The following AFAP1 variants were observed in gnomAD, a reference collection of about 807,000 sequenced individuals.
AFAP1 encodes the protein actin filament-associated protein 1.
A neutral mutation model predicts 93.9 loss-of-function variants in AFAP1; 75 were observed. The ratio of observed to expected loss-of-function variants is 0.80; its 90% CI spans 0.66 to 0.97. The LOEUF is 0.97. Among genes scored for constraint, AFAP1 ranks in the 50% least tolerant of loss-of-function variants. AFAP1 has a pLI of 0.00. For missense variants in AFAP1, 1,201 were observed against 1,050.8 expected (o/e 1.14, Z -1.98); for synonymous variants, 517 against 430.7 (o/e 1.20, Z -2.48).
intron 1 of AFAP1, among the ~76,000 whole-genome samples, chr4:7,897,155 T>G (rs6824266): frequency 0.13 from 19,201 of 152,102 alleles, 1,408 homozygotes; most frequent in Non-Finnish European, 0.17. Flanking sequence ...CTTCTTTGGG[T>G]AGGCTGAGCT....
intron 1 of AFAP1, among the ~76,000 whole-genome samples, chr4:7,923,301 G>C (rs943486115): frequency 8.5e-5 from 13 of 152,158 alleles, no homozygotes; most frequent in Admixed American, 4.6e-4. Flanking sequence ...TAATACCATA[G>C]GCAAATACCA....
chr4:7,916,843 T>G (rs1205485363), intron 1 of AFAP1, among the ~76,000 whole-genome samples: 1 of 152,184 alleles, frequency 6.6e-6, no homozygotes, highest in Non-Finnish European at 1.5e-5. Context: ...CTCCTTGCAC[T>G]AGGGGCCCAG....
intron 1 of AFAP1, among the ~76,000 whole-genome samples, chr4:7,874,621 G>C (rs974988249): frequency 7.0e-5 from 9 of 129,226 alleles, no homozygotes; most frequent in African/African-American, 2.7e-4. Flanking sequence ...CTGACCTCAT[G>C]ATCTGCCCAC....
At chr4:7,828,239 A>G (rs976051456) in intron 6 of AFAP1, among the ~76,000 whole-genome samples, 5 of 152,168 alleles carry the variant, frequency 3.3e-5, no homozygotes, top group Non-Finnish European at 5.9e-5. Flanking sequence ...AGAAATCCCT[A>G]TAGCGTCGCC....
At chr4:7,884,236 T>G (rs1353288821) in intron 1 of AFAP1, among the ~76,000 whole-genome samples, 2 of 152,228 alleles carry the variant, frequency 1.3e-5, no homozygotes, top group Non-Finnish European at 2.9e-5. Context: ...ACCATGCTTG[T>G]AAAGCCTGCA....
At chr4:7,862,580 A>C (rs1715858774) in intron 3 of AFAP1, among the ~76,000 whole-genome samples, 1 of 152,200 alleles carries the variant, frequency 6.6e-6, no homozygotes, top group African/African-American at 2.4e-5. Context: ...AAAAATGGTT[A>C]AAATGGTAAA....
intron 3 of AFAP1, among the ~76,000 whole-genome samples, chr4:7,861,209 C>T (rs978763804): frequency 6.6e-6 from 1 of 152,260 alleles, no homozygotes; most frequent in Non-Finnish European, 1.5e-5. Context: ...ATAAGAAAAT[C>T]AGGGCTCCAG....
At chr4:7,863,314 G>A (rs1577311709) in intron 3 of AFAP1, among the ~76,000 whole-genome samples, 1 of 152,168 alleles carries the variant, frequency 6.6e-6, no homozygotes, top group East Asian at 1.9e-4. Context: ...AGCTACTTGG[G>A]AGGGTGAGGT....
Position 7,787,990 on chromosome 4 carries a change from C to A in AFAP1, c.1413-1679G>T, listed in dbSNP as rs577804515. 2.0e-5 allele frequency among the ~76,000 whole-genome samples: 3 copies of A among 152,314 alleles called. No homozygotes were observed. In the South Asian group the frequency reaches 6.2e-4, roughly 32 times the overall value. On this transcript the variant is annotated intron_variant, in intron 11 of 17. Coordinates refer to ENST00000420658, the MANE Select transcript of AFAP1 (RefSeq NM_001134647.2). ...GGAGGCGGCCCGTCCCGCAGCCCCA[C>A]AGCGGCCCCTCCCTCCCCTCCGGGC...
intron 3 of AFAP1, among the ~76,000 whole-genome samples, chr4:7,858,750 C>G (rs1180439224): frequency 6.6e-6 from 1 of 152,188 alleles, no homozygotes; most frequent in Non-Finnish European, 1.5e-5. Context: ...TGCCAAGACT[C>G]CACGTGCCCA....
Position 7,800,601 on chromosome 4 carries a change from C to A in AFAP1, c.1107G>T (p.Val369=). 1.2e-6 allele frequency: 2 copies of A among 1,614,202 alleles called. No individual in the cohort carries two copies. Residue 369 remains valine, a synonymous_variant, in exon 10 of 18, where the codon GTG becomes GTT. Transcript: ENST00000420658. ...TGTGGAAAATGAGCTTGTTATCTTT[C>A]ACTCGGCACCAGCGCTCTCGCCAGC... is the stretch of plus-strand genomic sequence containing the variant. ...NSRWRERWCR[V]KDNKLIFHKD...
chr4:7,786,925 A>C (rs1717317265), intron 11 of AFAP1, among the ~76,000 whole-genome samples: 1 of 152,230 alleles, frequency 6.6e-6, no homozygotes, highest in Non-Finnish European at 1.5e-5. Context: ...CTTAGTAGTC[A>C]ATCAGCACCA....
chr4:7,838,652 C>T lies in AFAP1; in HGVS notation c.598G>A (p.Gly200Ser). The change falls in exon 6 of 18, where the codon GGC becomes AGC. Residue 200 changes from glycine to serine, a missense_variant. Coordinates refer to ENST00000420658, the MANE Select transcript of AFAP1 (RefSeq NM_001134647.2). ...TTCGGGATGTACGTAATGTTACAGC[C>T]TTGGAGTGGCAGTTCCATCTGAGGC... is the stretch of plus-strand genomic sequence containing the variant. ...QQPQMELPLQ[G>S]CNITYIPKDS... The T allele has an allele frequency of 1.2e-6, 2 of 1,614,098 alleles. No homozygotes were observed. Among genetic ancestry groups the T allele is most frequent in the Non-Finnish European group, 1.7e-6 (2 of 1,180,028 alleles).
intron 1 of AFAP1, among the ~76,000 whole-genome samples, chr4:7,902,149 T>C (rs1346570501): frequency 6.6e-6 from 1 of 152,306 alleles, no homozygotes; most frequent in South Asian, 2.1e-4. Flanking sequence ...GAGCAATCTT[T>C]CTGAGCTCAG....
intron 5 of AFAP1, among the ~76,000 whole-genome samples, chr4:7,842,485 C>G (rs1318003391): frequency 6.6e-6 from 1 of 151,660 alleles, no homozygotes; most frequent in Non-Finnish European, 1.5e-5. Context: ...TAATAACCAA[C>G]CATGGTTTCT....
At chr4:7,792,767 A>G (rs1718000551) in intron 11 of AFAP1, among the ~76,000 whole-genome samples, 1 of 151,904 alleles carries the variant, frequency 6.6e-6, no homozygotes, top group African/African-American at 2.4e-5. Flanking sequence ...GCAAATGTCT[A>G]CTATCTGATC....
chr4:7,838,886 C>A (rs989630731), intron 5 of AFAP1, among the ~76,000 whole-genome samples, 183 bp from the exon 6 acceptor site: 1 of 151,992 alleles, frequency 6.6e-6, no homozygotes, highest in Admixed American at 6.6e-5. Flanking sequence ...ACAGACACTT[C>A]GCCTCCAAGT....
chr4:7,864,079 CT>C (rs2149165105), intron 3 of AFAP1, among the ~76,000 whole-genome samples: 1 of 152,232 alleles, frequency 6.6e-6, no homozygotes, highest in African/African-American at 2.4e-5. Flanking sequence ...CCATTCCCAA[CT>C]TCCCATCACA....
chr4:7,934,476 A>C (rs1222390484), intron 1 of AFAP1, among the ~76,000 whole-genome samples: 1 of 152,214 alleles, frequency 6.6e-6, no homozygotes, highest in African/African-American at 2.4e-5. Context: ...ATGACAGTAT[A>C]ACTTAGTATG....
Sources: gnomAD v4.1 joint callset for allele counts (sites outside exome capture counted in the v4.1 genomes callset) on GRCh38, gnomAD v4.1.1 for gene constraint, MANE v1.5 for transcripts, NCBI Gene and HGNC (gene_info 2026-07-23, HGNC 2026-07-21) for gene names.